Variants in MTURN observed in about 807,000 individuals in gnomAD.
MTURN encodes the protein maturin, neural progenitor differentiation regulator homolog.
A neutral mutation model predicts 14.9 loss-of-function variants in MTURN; 7 were observed. That is an observed-to-expected ratio of 0.47 (90% CI 0.27 to 0.88). MTURN has a LOEUF of 0.88. Ranked by LOEUF, MTURN falls within the 40% of genes least tolerant of loss-of-function variation. MTURN has a pLI of 0.14. For synonymous variants in MTURN, 69 were observed against 72.5 expected, an observed-to-expected ratio of 0.95 and a Z score of 0.25; for missense variants, 151 against 174.1, an observed-to-expected ratio of 0.87 and a Z score of 0.75.
chr7:30,136,888 G>C (rs910415172), intron 1 of MTURN, among the ~76,000 whole-genome samples: 1 of 152,196 alleles, frequency 6.6e-6, no homozygotes, highest in Non-Finnish European at 1.5e-5. Context: ...CAAATTTGGG[G>C]TTAGAGACCT....
chr7:30,155,399 A>G (rs373770693), intron 2 of MTURN, among the ~76,000 whole-genome samples: 1 of 152,230 alleles, frequency 6.6e-6, no homozygotes, highest in Non-Finnish European at 1.5e-5. Flanking sequence ...CAGCTCTCCA[A>G]ATAAAAAATT....
At chr7:30,155,176 G>A (rs1163646053) in intron 2 of MTURN, among the ~76,000 whole-genome samples, 2 of 152,182 alleles carry the variant, frequency 1.3e-5, no homozygotes, top group Non-Finnish European at 2.9e-5. Flanking sequence ...TCAGAATCCT[G>A]AAACTCCAGG....
intron 2 of MTURN, among the ~76,000 whole-genome samples, chr7:30,154,365 C>T (rs888142925): frequency 6.6e-6 from 1 of 152,194 alleles, no homozygotes; most frequent in Non-Finnish European, 1.5e-5. Context: ...CTATAACGAC[C>T]CATGTTCCCT....
At chr7:30,145,204 C>A (rs1476111787) in intron 1 of MTURN, among the ~76,000 whole-genome samples, 1 of 152,130 alleles carries the variant, frequency 6.6e-6, no homozygotes, top group Non-Finnish European at 1.5e-5. Flanking sequence ...AAGCCTTACC[C>A]AGTCTTCAGA....
intron 2 of MTURN, among the ~76,000 whole-genome samples, chr7:30,153,431 A>G (rs1339898721): frequency 1.3e-5 from 2 of 152,184 alleles, no homozygotes; most frequent in African/African-American, 4.8e-5. Flanking sequence ...AAAACATTGA[A>G]ACCTCCAGCT....
chr7:30,153,551 C>T (rs150988737), intron 2 of MTURN, among the ~76,000 whole-genome samples: 1 of 152,156 alleles, frequency 6.6e-6, no homozygotes, highest in Non-Finnish European at 1.5e-5. Context: ...CTGGCTCTGC[C>T]ACTTACTGGG....
chr7:30,162,326 G>A lies in MTURN; in HGVS notation c.*4778G>A, dbSNP rs780354505. The A allele has an allele frequency of 2.0e-5, 3 of 152,114 alleles. No homozygotes were observed. The highest frequency in any genetic ancestry group is 4.4e-5 in the Non-Finnish European group (3 of 68,028). 9.4% of individuals were successfully genotyped at this position (152,114 alleles called of 1,614,324 possible). A position where few individuals can be genotyped will look rare whatever the true frequency, so the allele number is the denominator to read the frequency against. On this transcript the variant is annotated 3_prime_UTR_variant, in exon 3 of 3. Transcript: ENST00000324453. Reference sequence around the variant, plus strand: ...CTAGGCAGATAAAGATAAGAGTAGTGCGCAGTACAAATGTCAGCTCTGAAG... The same window carrying A: ...CTAGGCAGATAAAGATAAGAGTAGTACGCAGTACAAATGTCAGCTCTGAAG...
intron 2 of MTURN, 53 bp from the exon 3 acceptor site, chr7:30,157,385 C>A: frequency 1.4e-6 from 2 of 1,471,116 alleles, no homozygotes; most frequent in South Asian, 1.3e-5. Flanking sequence ...TGTCTTCCTG[C>A]CTGTGGGCCA....
intron 1 of MTURN, among the ~76,000 whole-genome samples, chr7:30,135,969 AAC>A (rs56329067): frequency 2.0e-5 from 3 of 151,762 alleles, no homozygotes; most frequent in Admixed American, 1.3e-4. Flanking sequence ...CATACACCCC[AAC>A]ACACACACAC....
intron 2 of MTURN, among the ~76,000 whole-genome samples, chr7:30,155,921 G>A (rs1222317854): frequency 1.3e-5 from 2 of 152,224 alleles, no homozygotes; most frequent in Admixed American, 1.3e-4. Flanking sequence ...GAACAGAATG[G>A]TCAGTCTTCT....
At chr7:30,149,794 CT>C (rs769501924) in intron 2 of MTURN, among the ~76,000 whole-genome samples, 14 of 152,214 alleles carry the variant, frequency 9.2e-5, no homozygotes, top group Non-Finnish European at 2.1e-4. Flanking sequence ...ACATGGGAAT[CT>C]GATCAATCCA....
At chr7:30,150,817 G>T (rs954509376) in intron 2 of MTURN, among the ~76,000 whole-genome samples, 2 of 152,200 alleles carry the variant, frequency 1.3e-5, no homozygotes, top group African/African-American at 4.8e-5. Context: ...ATGGCTCCAT[G>T]TGGTGGAAGG....
intron 2 of MTURN, among the ~76,000 whole-genome samples, chr7:30,154,701 C>A (rs7811155): frequency 0.1 from 15,772 of 152,210 alleles, 892 homozygotes; most frequent in Admixed American, 0.12. Context: ...TTTCCACACA[C>A]CCTCTCAATA....
At chr7:30,142,684 C>A (rs1050709838) in intron 1 of MTURN, among the ~76,000 whole-genome samples, 3 of 152,062 alleles carry the variant, frequency 2.0e-5, no homozygotes, top group Non-Finnish European at 4.4e-5. Context: ...TAAACTCTGC[C>A]CCCCCAGCAC....
chr7:30,145,814 CA>C (rs1203990462), intron 1 of MTURN: 5 of 1,521,682 alleles, frequency 3.3e-6, no homozygotes, highest in Non-Finnish European at 4.4e-6. Flanking sequence ...ATTTTGAAGG[CA>C]AAGGCTCTGG....
In MTURN at chr7:30,159,138, C is replaced by A. The variant is rs1797331801; in HGVS notation, c.*1590C>A. The stretch of plus-strand genomic sequence containing the variant: ...TGATTTCCATCTGTGCTTCAGTACC[C>A]ACTTTGTGTTCTTTTCTTGAAAAGT... On this transcript the variant is annotated 3_prime_UTR_variant, in exon 3 of 3. Coordinates refer to ENST00000324453, the MANE Select transcript of MTURN (RefSeq NM_152793.3). 3 of 152,302 alleles carry A rather than the reference C, an allele frequency of 2.0e-5. No homozygotes were observed. The highest frequency in any genetic ancestry group is 7.2e-5 in the African/African-American group (3 of 41,556). 9.4% of individuals were successfully genotyped at this position (152,302 alleles called of 1,614,324 possible). A position where few individuals can be genotyped will look rare whatever the true frequency, so the allele number is the denominator to read the frequency against.
chr7:30,150,624 T>A (rs1797196755), intron 2 of MTURN, among the ~76,000 whole-genome samples: 1 of 152,232 alleles, frequency 6.6e-6, no homozygotes, highest in East Asian at 1.9e-4. Context: ...TCCAGCGTAT[T>A]CGAAGGGCTA....
At chr7:30,146,141 C>T (rs770241773) in intron 1 of MTURN, 36 bp from the exon 2 acceptor site, 6 of 1,612,938 alleles carry the variant, frequency 3.7e-6, no homozygotes, top group Non-Finnish European at 5.1e-6. Context: ...GACTGTGTGT[C>T]TTTGTTTTCT....
intron 2 of MTURN, among the ~76,000 whole-genome samples, chr7:30,151,910 A>G (rs911992599): frequency 2.6e-5 from 4 of 152,192 alleles, no homozygotes; most frequent in Non-Finnish European, 5.9e-5. Context: ...TGATATTTTC[A>G]GTTTGCCACA....
Sources: gnomAD v4.1 joint callset for allele counts (sites outside exome capture counted in the v4.1 genomes callset) on GRCh38, gnomAD v4.1.1 for gene constraint, MANE v1.5 for transcripts, NCBI Gene and HGNC (gene_info 2026-07-23, HGNC 2026-07-21) for gene names.